The following L3MBTL4 variants were observed in gnomAD, a reference collection of about 807,000 sequenced individuals.
L3MBTL4 encodes the protein L3MBTL histone methyl-lysine binding protein 4.
A neutral mutation model predicts 84.5 loss-of-function variants in L3MBTL4; 70 were observed. The ratio of observed to expected loss-of-function variants is 0.83; its 90% CI spans 0.68 to 1.01. The LOEUF (loss-of-function observed/expected upper bound fraction) is 1.01. Among genes scored for constraint, L3MBTL4 ranks in the 50% least tolerant of loss-of-function variants. L3MBTL4 has a pLI of 0.00. For synonymous variants in L3MBTL4, 274 were observed against 259.8 expected (o/e 1.05, Z -0.52); for missense variants, 715 against 754.8 (o/e 0.95, Z 0.62).
At chr18:6,244,298 G>A (rs1388456408) in intron 6 of L3MBTL4, among the ~76,000 whole-genome samples, 186 bp downstream of exon 6, 1 of 152,104 alleles carries the variant, frequency 6.6e-6, no homozygotes, top group African/African-American at 2.4e-5. Flanking sequence ...GGACTTTTTA[G>A]AAAATTCATC....
At chr18:5,996,014 C>T (rs149736862) in intron 16 of L3MBTL4, among the ~76,000 whole-genome samples, 3 of 152,334 alleles carry the variant, frequency 2.0e-5, no homozygotes, top group Non-Finnish European at 2.9e-5. Context: ...GTATTGATAA[C>T]TTTACTGCAA....
chr18:5,964,592 G>A (rs2052244098), intron 17 of L3MBTL4, among the ~76,000 whole-genome samples: 1 of 151,910 alleles, frequency 6.6e-6, no homozygotes, highest in Admixed American at 6.6e-5. Context: ...ACCCCTTCCT[G>A]TGTAAAGGCT....
intron 15 of L3MBTL4, among the ~76,000 whole-genome samples, chr18:6,091,001 C>T (rs2058436498): frequency 6.6e-6 from 1 of 152,048 alleles, no homozygotes; most frequent in Non-Finnish European, 1.5e-5. Flanking sequence ...TATTTTTGGA[C>T]AGCAGCCAAG....
In L3MBTL4 at chr18:5,997,232, C is replaced by A. The variant is rs955687973; in HGVS notation, c.1445-27670G>T. Among the ~76,000 whole-genome samples the A allele has an allele frequency of 4.0e-5, 6 of 150,664 alleles. No homozygotes were observed. The East Asian group carries it at 1.2e-3, about 29-fold the overall frequency. ...TCTCAGGTCCCCAAAATCACTAAAT[C>A]AAGGGAAAAGTAAAGCTGGGAACAC... On this transcript the variant is annotated intron_variant, in intron 16 of 18. Transcript: ENST00000317931.
chr18:6,172,805 C>A (rs941388009), intron 12 of L3MBTL4, among the ~76,000 whole-genome samples: 2 of 152,118 alleles, frequency 1.3e-5, no homozygotes, highest in Non-Finnish European at 2.9e-5. Context: ...TTTTGAAAAT[C>A]ATATTTGAAT....
intron 16 of L3MBTL4, among the ~76,000 whole-genome samples, chr18:6,000,420 T>A (rs958802298): frequency 6.6e-6 from 1 of 151,982 alleles, no homozygotes; most frequent in African/African-American, 2.4e-5. Context: ...GGAATAGAGA[T>A]GGAACTCGAA....
chr18:6,133,394 G>T (rs879361737), intron 14 of L3MBTL4, among the ~76,000 whole-genome samples: 4 of 151,584 alleles, frequency 2.6e-5, no homozygotes, highest in Non-Finnish European at 5.9e-5. Flanking sequence ...TGAGGAAGAT[G>T]ATCTCCATGG....
At chr18:5,990,023 G>A (rs774612147) in intron 16 of L3MBTL4, among the ~76,000 whole-genome samples, 4 of 152,200 alleles carry the variant, frequency 2.6e-5, no homozygotes, top group South Asian at 2.1e-4. Context: ...CGTTCTCTCC[G>A]GGATCCCTAA....
intron 5 of L3MBTL4, chr18:6,260,737 G>A (rs529278423): frequency 7.2e-5 from 11 of 152,078 alleles, no homozygotes; most frequent in South Asian, 6.2e-4. Context: ...TCAACATTTC[G>A]GTGTCAAAAG....
intron 16 of L3MBTL4, chr18:6,031,984 CT>C (rs11333961): frequency 0.24 from 78,302 of 323,494 alleles, 8,164 homozygotes; most frequent in Middle Eastern, 0.34. Context: ...TTCTTTCTTT[CT>C]TTTTTTTTTT....
chr18:6,355,512 C>T (rs1206173497), intron 1 of L3MBTL4, among the ~76,000 whole-genome samples: 2 of 151,852 alleles, frequency 1.3e-5, no homozygotes, highest in African/African-American at 4.8e-5. Context: ...GTCTACAAAG[C>T]ACTTCAGAAC....
At chr18:6,371,923 T>A (rs756479702) in intron 1 of L3MBTL4, among the ~76,000 whole-genome samples, 1 of 152,212 alleles carries the variant, frequency 6.6e-6, no homozygotes, top group Non-Finnish European at 1.5e-5. Context: ...AATGTCTACC[T>A]TGACGCAATG....
intron 14 of L3MBTL4, among the ~76,000 whole-genome samples, chr18:6,105,024 A>G (rs1237866479): frequency 1.3e-5 from 2 of 152,150 alleles, no homozygotes; most frequent in Admixed American, 1.3e-4. Context: ...CGACCCTGAG[A>G]TATTAAAAGA....
intron 14 of L3MBTL4, among the ~76,000 whole-genome samples, chr18:6,133,274 T>C (rs9947371): frequency 0.2 from 30,257 of 151,736 alleles, 4,055 homozygotes; most frequent in African/African-American, 0.38. Flanking sequence ...GCCAAGCGTG[T>C]GTGAGGAACA....
intron 12 of L3MBTL4, among the ~76,000 whole-genome samples, chr18:6,182,918 T>C (rs751577723): frequency 3.9e-5 from 6 of 152,224 alleles, no homozygotes; most frequent in Non-Finnish European, 7.3e-5. Flanking sequence ...GAAACCATTC[T>C]TAATTTTATA....
intron 4 of L3MBTL4, among the ~76,000 whole-genome samples, chr18:6,266,589 C>T (rs1281814865): frequency 6.6e-6 from 1 of 152,174 alleles, no homozygotes; most frequent in Non-Finnish European, 1.5e-5. Context: ...AACACAAAAT[C>T]CATCAATTGG....
chr18:6,091,835 A>G (rs1351970819), intron 15 of L3MBTL4, among the ~76,000 whole-genome samples: 1 of 152,254 alleles, frequency 6.6e-6, no homozygotes, highest in African/African-American at 2.4e-5. Context: ...TTGAAAAAAT[A>G]CAACAGATTA....
intron 1 of L3MBTL4, among the ~76,000 whole-genome samples, chr18:6,406,468 C>A (rs141042650): frequency 0.01 from 1,559 of 152,228 alleles, 25 homozygotes; most frequent in African/African-American, 0.036. Context: ...GACTTCTGAG[C>A]CTGGAAACAT....
chr18:6,333,573 CAAAAA>C (rs34185426), intron 1 of L3MBTL4, among the ~76,000 whole-genome samples: 1 of 65,840 alleles, frequency 1.5e-5, no homozygotes. Context: ...GACTCCATCT[CAAAAA>C]AAAAAAAAAA....
Sources: gnomAD v4.1 joint callset for allele counts (sites outside exome capture counted in the v4.1 genomes callset) on GRCh38, gnomAD v4.1.1 for gene constraint, MANE v1.5 for transcripts, NCBI Gene and HGNC (gene_info 2026-07-23, HGNC 2026-07-21) for gene names.